The following ZNF700 variants were observed in gnomAD, a reference collection of about 807,000 sequenced individuals.
ZNF700 encodes the protein zinc finger protein 700.
Under a neutral mutation model 65.3 loss-of-function variants are expected in ZNF700, and 38 were observed. The observed-to-expected ratio is 0.58, with a 90% CI of 0.45 to 0.76. The LOEUF is 0.76. Ranked by LOEUF, ZNF700 falls within the 30% of genes least tolerant of loss-of-function variation. The probability of loss-of-function intolerance (pLI) is 0.00; values close to 1 mark genes in which losing one functional copy is unlikely to be tolerated. For missense variants in ZNF700, 857 were observed against 888.4 expected (o/e 0.96, Z 0.45); for synonymous variants, 285 against 290.4 (o/e 0.98, Z 0.19).
intron 1 of ZNF700, among the ~76,000 whole-genome samples, chr19:11,938,454 A>T (rs546048091): frequency 6.6e-6 from 1 of 152,118 alleles, no homozygotes; most frequent in South Asian, 2.1e-4. Context: ...CTCATTGTTC[A>T]GTTCCCACCT....
rs1973012672 is a variant in ZNF700, at chr19:11,949,047, A to C, written c.1023A>C (p.Glu341Asp). 6.2e-7 allele frequency: 1 copy of C among 1,606,848 alleles called. No individual in the cohort carries two copies. Among genetic ancestry groups the C allele is most frequent in the Non-Finnish European group, 8.5e-7 (1 of 1,178,506 alleles). ...KKPYECKQYG[E>D]GLSYLISFQT... is the part of the protein sequence containing the mutation. ...CGTATGAATGTAAGCAATATGGGGA[A>C]GGCTTATCCTATCTTATAAGTTTTC... is the stretch of plus-strand genomic sequence containing the variant. Residue 341 changes from glutamate to aspartate, a missense_variant, in exon 4 of 4, where the codon GAA becomes GAC. Glu to Asp is a conservative substitution (Grantham distance 45, BLOSUM62 2). Transcript: ENST00000254321.
At chr19:11,947,647 G>A (rs1972982367) in intron 3 of ZNF700, 73 bp downstream of exon 3, 2 of 1,338,392 alleles carry the variant, frequency 1.5e-6, no homozygotes, top group African/African-American at 1.5e-5. Context: ...TTGAAGAGAA[G>A]TAAAACAAAG....
intron 1 of ZNF700, among the ~76,000 whole-genome samples, chr19:11,944,387 T>C (rs1403393771): frequency 6.6e-6 from 1 of 152,164 alleles, no homozygotes; most frequent in African/African-American, 2.4e-5. Flanking sequence ...CCCTAAACTA[T>C]TTTTGATAGT....
At chr19:11,947,350 A>G (rs763148501) in intron 2 of ZNF700, 43 bp downstream of exon 2, 3 of 1,611,854 alleles carry the variant, frequency 1.9e-6, no homozygotes, top group Non-Finnish European at 2.5e-6. Flanking sequence ...TTAGCAAACC[A>G]GTGTTTCTAG....
chr19:11,949,654 G>A lies in ZNF700; in HGVS notation c.1630G>A (p.Ala544Thr). Reference sequence around the variant, plus strand: ...CTATGAATGCAACCAATGTGGTAAAGCCTTCAGATGTTGCAATTCCCTTCG... The same window carrying A: ...CTATGAATGCAACCAATGTGGTAAAACCTTCAGATGTTGCAATTCCCTTCG... ...KPYECNQCGK[A>T]FRCCNSLRYH... The change falls in exon 4 of 4, where the codon GCC (alanine) becomes ACC (threonine). Residue 544 changes from alanine (A) to threonine (T), a missense_variant. Ala to Thr is a moderately conservative substitution (Grantham distance 58). Coordinates refer to ENST00000254321, the MANE Select transcript of ZNF700 (RefSeq NM_144566.3). The A allele has an allele frequency of 6.2e-7, 1 of 1,613,852 alleles. No homozygotes were observed.
chr19:11,938,268 G>T lies in ZNF700; in HGVS notation c.64-8913G>T, dbSNP rs1013466818. Among the ~76,000 whole-genome samples the T allele has an allele frequency of 2.9e-4, 44 of 151,980 alleles. 2 individuals are homozygous for T. The highest frequency in any genetic ancestry group is 2.9e-5 in the Non-Finnish European group (2 of 68,000). On this transcript the variant is annotated intron_variant, in intron 1 of 3. Coordinates refer to ENST00000254321, the MANE Select transcript of ZNF700 (RefSeq NM_144566.3). ...TTAATATTATATTTTAAGTTCTAGG[G>T]TACATGTGCACAATGTGCAGGTTTG...
chr19:11,926,866 A>T (rs2145269188), intron 1 of ZNF700, among the ~76,000 whole-genome samples: 1 of 152,270 alleles, frequency 6.6e-6, no homozygotes, highest in Non-Finnish European at 1.5e-5. Context: ...ATTCAAGCGG[A>T]AGGATAGCAG....
chr19:11,948,310 G>A lies in ZNF700; in HGVS notation c.286G>A (p.Glu96Lys). The A allele has an allele frequency of 6.2e-7, 1 of 1,613,524 alleles. No homozygotes were observed. Among genetic ancestry groups the A allele is most frequent in the Non-Finnish European group, 8.5e-7 (1 of 1,179,756 alleles). The change falls in exon 4 of 4, where the codon GAA becomes AAA. Residue 96 changes from glutamate to lysine, a missense_variant. By Grantham distance (56) the Glu-to-Lys change is moderately conservative. Transcript: ENST00000254321. ...LIEEKVNEIK[E>K]DSHCGETFTQ... The stretch of plus-strand genomic sequence containing the variant: ...AGAAGAGAAAGTCAATGAAATTAAA[G>A]AAGACAGTCATTGTGGAGAAACTTT...
intron 2 of ZNF700, 32 bp downstream of exon 2, chr19:11,947,339 A>G (rs769971903): frequency 8.7e-6 from 14 of 1,612,538 alleles, no homozygotes; most frequent in East Asian, 2.2e-5. Context: ...CCGTCAGTGC[A>G]TTAGCAAACC....
At chr19:11,927,282 A>C (rs1035684520) in intron 1 of ZNF700, among the ~76,000 whole-genome samples, 3 of 152,088 alleles carry the variant, frequency 2.0e-5, no homozygotes, top group South Asian at 2.1e-4. Context: ...TGAACCCCAG[A>C]GGCAGAGGTT....
intron 1 of ZNF700, among the ~76,000 whole-genome samples, chr19:11,944,150 C>G (rs557855645): frequency 6.6e-6 from 1 of 152,218 alleles, no homozygotes; most frequent in African/African-American, 2.4e-5. Context: ...TCTCGTTTAC[C>G]TAGGCTGAGA....
At chr19:11,944,531 C>T (rs534029300) in intron 1 of ZNF700, among the ~76,000 whole-genome samples, 28 of 152,276 alleles carry the variant, frequency 1.8e-4, no homozygotes, top group African/African-American at 4.8e-4. Context: ...TGAGCCAATT[C>T]GTAAGGGCAG....
At chr19:11,925,780 C>G (rs1356744592) in intron 1 of ZNF700, among the ~76,000 whole-genome samples, 1 of 152,178 alleles carries the variant, frequency 6.6e-6, no homozygotes, top group African/African-American at 2.4e-5. Context: ...AAAAGCCAAA[C>G]TATGTAAAAT....
intron 1 of ZNF700, among the ~76,000 whole-genome samples, chr19:11,925,878 G>T (rs1324141130): frequency 6.6e-6 from 1 of 152,214 alleles, no homozygotes; most frequent in East Asian, 1.9e-4. Context: ...TCCCGAGGCG[G>T]CTCAAGACAG....
chr19:11,944,557 A>T (rs1416370651), intron 1 of ZNF700, among the ~76,000 whole-genome samples: 1 of 152,218 alleles, frequency 6.6e-6, no homozygotes, highest in Non-Finnish European at 1.5e-5. Flanking sequence ...ACCTAGGAAT[A>T]AGATCTTGAA....
In ZNF700 at chr19:11,925,241, G is replaced by A. The variant is rs140456923; in HGVS notation, c.31G>A (p.Glu11Lys). Reference sequence around the variant, plus strand: ...CTGCTGTAGTCACAGGAGCTGTAGAGAGGACCCCGGTACATCTGAAAGCCG... The same window carrying A: ...CTGCTGTAGTCACAGGAGCTGTAGAAAGGACCCCGGTACATCTGAAAGCCG... MPCCSHRSCREDPGTSESREM... is the reference protein window; with the variant it reads MPCCSHRSCRKDPGTSESREM... Residue 11 changes from glutamate (E) to lysine (K), a missense_variant, in exon 1 of 4, where the codon GAG becomes AAG. Coordinates refer to ENST00000254321, the MANE Select transcript of ZNF700 (RefSeq NM_144566.3). The A allele has an allele frequency of 4.3e-6, 7 of 1,613,116 alleles. No homozygotes were observed. The African/African-American group carries it at 5.3e-5, about 12-fold the overall frequency.
chr19:11,943,411 C>T (rs1386559076), intron 1 of ZNF700, among the ~76,000 whole-genome samples: 1 of 152,208 alleles, frequency 6.6e-6, no homozygotes, highest in Non-Finnish European at 1.5e-5. Context: ...AGTTAAAGCT[C>T]TGCCAGTTTT....
rs771104786 is a variant in ZNF700, at chr19:11,949,092, C to T, written c.1068C>T (p.Asn356=). The T allele has an allele frequency of 6.2e-7, 1 of 1,611,920 alleles. No homozygotes were observed. The highest frequency in any genetic ancestry group is 8.5e-7 in the Non-Finnish European group (1 of 1,179,562). ...LISFQTHIRM[N]SGERPYKCKI... ...GTTTTCAAACACACATAAGAATGAA[C>T]TCTGGAGAAAGACCTTATAAATGTA... Residue 356 remains asparagine (N), a synonymous_variant, in exon 4 of 4, where the codon AAC becomes AAT. Coordinates refer to ENST00000254321, the MANE Select transcript of ZNF700 (RefSeq NM_144566.3).
intron 1 of ZNF700, among the ~76,000 whole-genome samples, chr19:11,928,759 G>A (rs1464646634): frequency 7.3e-6 from 1 of 137,518 alleles, no homozygotes; most frequent in Non-Finnish European, 1.5e-5. Flanking sequence ...AAAGAAAGTA[G>A]TCTCTGTAGT....
Sources: gnomAD v4.1 joint callset for allele counts (sites outside exome capture counted in the v4.1 genomes callset) on GRCh38, gnomAD v4.1.1 for gene constraint, MANE v1.5 for transcripts, NCBI Gene and HGNC (gene_info 2026-07-23, HGNC 2026-07-21) for gene names.